TOP3B: variants seen among roughly 807,000 people sequenced by gnomAD.
TOP3B encodes the protein DNA topoisomerase 3-beta-1.
Under a neutral mutation model 93.9 loss-of-function variants are expected in TOP3B, and 45 were observed. That is an observed-to-expected ratio of 0.48 (90% CI 0.38 to 0.61). The LOEUF (loss-of-function observed/expected upper bound fraction) is 0.61, where lower values mean the gene tolerates loss of function less well. Ranked by LOEUF, TOP3B falls within the 20% of genes least tolerant of loss-of-function variation. The pLI is 0.00. For missense variants in TOP3B, 750 were observed against 1,156.1 expected (o/e 0.65, Z 5.09); for synonymous variants, 357 against 472.6 (o/e 0.76, Z 3.17).
At chr22:21,973,055 CTT>C (rs1327679926) in intron 3 of TOP3B, 2 of 373,650 alleles carry the variant, frequency 5.4e-6, no homozygotes, top group East Asian at 7.4e-5. Flanking sequence ...GGCTGGGTCT[CTT>C]TGCCTGAGCA....
Position 21,970,113 on chromosome 22 carries a change from A to G in TOP3B, c.581+97T>C. ...ATCCCCTGTTGCTCATCCTGGCTCG[A>G]GGAGGCCTAGGGGCCCCGGAGGGGG... On this transcript the variant is annotated intron_variant, in intron 6 of 17. Transcript: ENST00000357179. This position sits in a 1 kb window ranked among gnomAD's most constrained non-coding sequence, Gnocchi z 4.4. The G allele has an allele frequency of 7.1e-7, 1 of 1,411,128 alleles. No individual in the cohort carries two copies. Among genetic ancestry groups the G allele is most frequent in the Non-Finnish European group, 9.6e-7 (1 of 1,038,632 alleles). 87.4% of individuals were successfully genotyped at this position (1,411,128 alleles called of 1,614,324 possible). A position where few individuals can be genotyped will look rare whatever the true frequency, so the allele number is the denominator to read the frequency against.
At chr22:21,972,118 C>A in intron 4 of TOP3B, 167 bp from the exon 5 acceptor site, 4 of 568,018 alleles carry the variant, frequency 7.0e-6, no homozygotes, top group South Asian at 2.3e-5. Flanking sequence ...CTGGCTCAGC[C>A]AACAGAAAAG....
At chr22:21,969,106 CTG>C in intron 6 of TOP3B, 1 of 218,190 alleles carries the variant, frequency 4.6e-6, no homozygotes, top group African/African-American at 2.3e-5. Context: ...TATGTGATCT[CTG>C]TCAGCTAAAT....
At chr22:21,972,858 T>TCAGAGG (rs71318741) in intron 3 of TOP3B, 140 bp from the exon 4 acceptor site, 40,402 of 710,156 alleles carry the variant, frequency 0.057, 2,582 homozygotes, top group East Asian at 0.24. Context: ...ATCCTGATGA[T>TCAGAGG]CAGAGGCAGA....
intron 8 of TOP3B, chr22:21,965,884 C>G (rs1286031186): frequency 6.4e-6 from 1 of 155,584 alleles, no homozygotes; most frequent in Non-Finnish European, 1.4e-5. Flanking sequence ...AACAAACAAA[C>G]AAAAAACCAA....
At chr22:21,959,786 C>T (rs754150181) in intron 14 of TOP3B, 50 bp from the exon 15 acceptor site, 1 of 1,583,008 alleles carries the variant, frequency 6.3e-7, no homozygotes, top group Non-Finnish European at 8.6e-7. Context: ...GCACCCAGGG[C>T]CATGCCACCC....
chr22:21,962,127 C>G (rs2071209432), intron 13 of TOP3B: 1 of 1,333,548 alleles, frequency 7.5e-7, no homozygotes, highest in African/African-American at 1.5e-5. Context: ...CTATGAGTCA[C>G]CTGGCATCTG....
chr22:21,973,142 C>T (rs1270483426), intron 3 of TOP3B: 3 of 264,520 alleles, frequency 1.1e-5, no homozygotes, highest in Admixed American at 5.1e-5. Context: ...ACCCAGCACT[C>T]TGTGGGGGCA....
chr22:21,962,834 G>C lies in TOP3B; in HGVS notation c.1264C>G (p.His422Asp), dbSNP rs2071248643. Residue 422 changes from histidine to aspartate, a missense_variant, in exon 12 of 18, where the codon CAT (histidine) becomes GAT (aspartate). Physicochemically the swap from His to Asp is moderately conservative, Grantham distance 81. This residue lies in a region of TOP3B where 737 missense variants were observed against 933.7 expected (regional missense o/e 0.79). Coordinates refer to ENST00000357179, the MANE Select transcript of TOP3B (RefSeq NM_001282112.2). ...GTGCTCTGCAGGTACTTGCAGTCAT[G>C]GCTGACCGTGGCGATGAAGTGTCTG... ...ITRHFIATVSHDCKYLQSTIS... is the reference protein window; with the variant it reads ...ITRHFIATVSDDCKYLQSTIS... 1 of 1,613,956 alleles carries C rather than the reference G, an allele frequency of 6.2e-7. No individual in the cohort carries two copies. Among genetic ancestry groups the C allele is most frequent in the Non-Finnish European group, 8.5e-7 (1 of 1,180,022 alleles).
chr22:21,970,520 C>T lies in TOP3B; in HGVS notation c.385-114G>A. 1 of 1,116,370 alleles carries T rather than the reference C, an allele frequency of 9.0e-7. No homozygotes were observed. The highest frequency in any genetic ancestry group is 1.3e-6 in the Non-Finnish European group (1 of 782,184). 69.2% of individuals were successfully genotyped at this position (1,116,370 alleles called of 1,614,324 possible). Reference sequence around the variant, plus strand: ...AAAGAACACGTGTGCTCGGCTCCCTCTCCTGCCCCTGCCAGACCCTCCTCT... The same window carrying T: ...AAAGAACACGTGTGCTCGGCTCCCTTTCCTGCCCCTGCCAGACCCTCCTCT... On this transcript the variant is annotated intron_variant, in intron 5 of 17. Transcript: ENST00000357179. This position sits in a 1 kb window ranked among gnomAD's most constrained non-coding sequence, Gnocchi z 4.4.
chr22:21,971,045 A>G lies in TOP3B; in HGVS notation c.385-639T>C. 1 of 1,302,892 alleles carries G rather than the reference A, an allele frequency of 7.7e-7. No individual in the cohort carries two copies. Among genetic ancestry groups the G allele is most frequent in the Non-Finnish European group, 1.0e-6 (1 of 988,110 alleles). 80.7% of individuals were successfully genotyped at this position (1,302,892 alleles called of 1,614,324 possible). ...CTGGCCACGCAGCTTCCTTACTGGG[A>G]ATAAGTGGCTTCATTTCTGAAGGGA... is the stretch of plus-strand genomic sequence containing the variant. On this transcript the variant is annotated intron_variant, in intron 5 of 17. Coordinates refer to ENST00000357179, the MANE Select transcript of TOP3B (RefSeq NM_001282112.2). This position sits in a 1 kb window ranked among gnomAD's most constrained non-coding sequence, Gnocchi z 4.6.
intron 1 of TOP3B, among the ~76,000 whole-genome samples, chr22:21,977,805 A>G (rs760734363): frequency 6.6e-6 from 1 of 152,168 alleles, no homozygotes; most frequent in Non-Finnish European, 1.5e-5. Flanking sequence ...TTAATAGTCC[A>G]GTTATTTATT....
At chr22:21,978,667 T>G (rs1035505021) in intron 1 of TOP3B, among the ~76,000 whole-genome samples, 1 of 152,050 alleles carries the variant, frequency 6.6e-6, no homozygotes, top group Non-Finnish European at 1.5e-5. Flanking sequence ...TATCACCATG[T>G]GGGGGACACT....
Position 21,974,375 on chromosome 22 carries a change from T to C in TOP3B, c.184A>G (p.Met62Val). The change falls in exon 3 of 18, where the codon ATG (methionine) becomes GTG (valine). Residue 62 changes from methionine to valine, a missense_variant. Transcript: ENST00000357179. ...FKMTSVCGHV[M>V]TLDFLGKYNK... ...GGCTTACCCAGGAAATCCAGGGTCATCACGTGACCACAGACAGACGTCATC... is the reference window on the plus strand; with the variant it reads ...GGCTTACCCAGGAAATCCAGGGTCACCACGTGACCACAGACAGACGTCATC... 1.2e-6 allele frequency: 2 copies of C among 1,614,080 alleles called. No individual in the cohort carries two copies. Among genetic ancestry groups the C allele is most frequent in the Non-Finnish European group, 1.7e-6 (2 of 1,179,952 alleles).
At position 21,962,897 on chromosome 22, in the gene TOP3B, C is replaced by G; in HGVS notation, c.1205-4G>C. 1 of 1,612,490 alleles carries G rather than the reference C, an allele frequency of 6.2e-7. No homozygotes were observed. The highest frequency in any genetic ancestry group is 8.5e-7 in the Non-Finnish European group (1 of 1,179,038). ...TAGAGCCGCCACGCGTCACCCCCTG[C>G]AACAGGCCAGGGCTAGTCAGTTGGG... On this transcript the variant is annotated splice_region_variant and splice_polypyrimidine_tract_variant and intron_variant, in intron 11 of 17. Transcript: ENST00000357179.
Position 21,970,679 on chromosome 22 carries a change from T to C in TOP3B, c.385-273A>G, listed in dbSNP as rs2071601465. On this transcript the variant is annotated intron_variant, in intron 5 of 17. Transcript: ENST00000357179. The surrounding 1 kb of genome is among the most constrained non-coding windows in gnomAD (Gnocchi z 4.4). Reference sequence around the variant, plus strand: ...ACATACTCGAACACTCCCTTCTTACTCCCGCCCTCTCTTCTAATCCTCTGC... The same window carrying C: ...ACATACTCGAACACTCCCTTCTTACCCCCGCCCTCTCTTCTAATCCTCTGC... 2.1e-6 allele frequency: 1 copy of C among 487,104 alleles called. No individual in the cohort carries two copies. The highest frequency in any genetic ancestry group is 3.8e-6 in the Non-Finnish European group (1 of 265,136). The allele number at this position is 487,104 out of a possible 1,614,324, so 30.2% of individuals were successfully genotyped here. A position where few individuals can be genotyped will look rare whatever the true frequency, so the allele number is the denominator to read the frequency against.
In TOP3B at chr22:21,962,764, T is replaced by C. The variant is rs781341343; in HGVS notation, c.1334A>G (p.Lys445Arg). ...GGTGTGACCTGGTGAGAGGACGGTCTTCCCGGAGCAGGTGAAGAGCTCGGG... is the reference window on the plus strand; with the variant it reads ...GGTGTGACCTGGTGAGAGGACGGTCCTCCCGGAGCAGGTGAAGAGCTCGGG... ...IGPELFTCSG[K>R]TVLSPGFTEV... The change falls in exon 12 of 18, where the codon AAG becomes AGG. Residue 445 changes from lysine (K) to arginine (R), a missense_variant. Physicochemically the swap from Lys to Arg is conservative, Grantham distance 26. Transcript: ENST00000357179. The C allele has an allele frequency of 6.2e-7, 1 of 1,614,166 alleles. No individual in the cohort carries two copies. Among genetic ancestry groups the C allele is most frequent in the East Asian group, 2.2e-5 (1 of 44,882 alleles).
chr22:21,972,051 G>A, intron 4 of TOP3B, 100 bp from the exon 5 acceptor site: 1 of 1,026,946 alleles, frequency 9.7e-7, no homozygotes, highest in Non-Finnish European at 1.4e-6. Flanking sequence ...CCCAGGCCCT[G>A]AACCTCAGTT....
In TOP3B at chr22:21,959,752, G is replaced by T; in HGVS notation, c.1655-16C>A. The T allele has an allele frequency of 6.2e-7, 1 of 1,610,800 alleles. No homozygotes were observed. Among genetic ancestry groups the T allele is most frequent in the South Asian group, 1.1e-5 (1 of 90,788 alleles). On this transcript the variant is annotated splice_polypyrimidine_tract_variant and intron_variant, in intron 14 of 17. Coordinates refer to ENST00000357179, the MANE Select transcript of TOP3B (RefSeq NM_001282112.2). ...AGCTCTGCATCTGCAAGTGGGCAGG[G>T]GGCAGATATTGCCCTGAGCACTCGC...
Sources: gnomAD v4.1 joint callset for allele counts (sites outside exome capture counted in the v4.1 genomes callset) on GRCh38, gnomAD v4.1.1 for gene constraint, gnomAD v4.1.1 regional missense constraint, Gnocchi (gnomAD v3.1) non-coding constraint, MANE v1.5 for transcripts, NCBI Gene and HGNC (gene_info 2026-07-23, HGNC 2026-07-21) for gene names.